The following RANBP2 variants were observed in gnomAD, a reference collection of about 807,000 sequenced individuals.
RANBP2 encodes the protein E3 SUMO-protein ligase RanBP2.
In RANBP2, 57 loss-of-function variants were observed where a neutral mutation model predicts 303.6. That is an observed-to-expected ratio of 0.19 (90% CI 0.15 to 0.23). The LOEUF (loss-of-function observed/expected upper bound fraction) is 0.23. Ranked by LOEUF, RANBP2 falls within the 10% of genes least tolerant of loss-of-function variation. The pLI is 1.00. For missense variants in RANBP2, 3,138 were observed against 3,780.8 expected, an observed-to-expected ratio of 0.83 and a Z score of 4.46; for synonymous variants, 1,167 against 1,301.5, an observed-to-expected ratio of 0.90 and a Z score of 2.23.
the RANBP2 span, chr2:109,616,148 A>G: frequency 7.1e-7 from 1 of 1,407,772 alleles, no homozygotes; most frequent in Non-Finnish European, 9.2e-7. Context: ...GTGAGACCAG[A>G]AGGACAAGCT....
the RANBP2 span, among the ~76,000 whole-genome samples, chr2:109,130,546 C>T: frequency 6.6e-6 from 1 of 152,148 alleles, no homozygotes; most frequent in Non-Finnish European, 1.5e-5. Context: ...TCTGGGAAGC[C>T]CGCGGGCCTC....
the RANBP2 span, among the ~76,000 whole-genome samples, chr2:109,066,109 G>A: frequency 6.6e-6 from 1 of 150,502 alleles, no homozygotes; most frequent in Non-Finnish European, 1.5e-5. Flanking sequence ...GGCTAATTCT[G>A]TATTTTTTTT....
At chr2:109,693,067 G>A in the RANBP2 span, among the ~76,000 whole-genome samples, 35 of 152,084 alleles carry the variant, frequency 2.3e-4, no homozygotes, top group Non-Finnish European at 3.8e-4. Context: ...AAGACTGCTA[G>A]AGCAGACTCT....
chr2:109,131,841 T>C, the RANBP2 span, among the ~76,000 whole-genome samples: 1 of 152,232 alleles, frequency 6.6e-6, no homozygotes, highest in Admixed American at 6.5e-5. Flanking sequence ...GTTTTTGGGA[T>C]GTTTCTGGAT....
chr2:109,677,721 G>A, the RANBP2 span, among the ~76,000 whole-genome samples: 2 of 152,130 alleles, frequency 1.3e-5, no homozygotes, highest in African/African-American at 2.4e-5. Flanking sequence ...GTGCCCTCGT[G>A]AACCAAATTG....
At chr2:109,654,339 A>G in the RANBP2 span, among the ~76,000 whole-genome samples, 3 of 151,896 alleles carry the variant, frequency 2.0e-5, no homozygotes, top group Non-Finnish European at 2.9e-5. Context: ...TGCTTGTGAT[A>G]TAGAAATAAA....
chr2:109,166,459 G>GGAAA, the RANBP2 span, among the ~76,000 whole-genome samples: 28 of 134,302 alleles, frequency 2.1e-4, 1 homozygote, highest in Admixed American at 6.8e-4. Context: ...CCTGGTGACA[G>GGAAA]AAAAAAAAAA....
At chr2:109,599,718 T>A in the RANBP2 span, among the ~76,000 whole-genome samples, 1 of 152,204 alleles carries the variant, frequency 6.6e-6, no homozygotes, top group Non-Finnish European at 1.5e-5. Context: ...GGGGAAATTC[T>A]TGATAGCAGT....
chr2:109,257,557 G>T, the RANBP2 span, among the ~76,000 whole-genome samples: 2 of 152,142 alleles, frequency 1.3e-5, no homozygotes, highest in Non-Finnish European at 2.9e-5. Context: ...GCCCAAGTTC[G>T]TGGTGAGTGA....
the RANBP2 span, among the ~76,000 whole-genome samples, chr2:108,810,071 G>T: frequency 1.3e-5 from 2 of 152,106 alleles, no homozygotes; most frequent in African/African-American, 4.8e-5. Context: ...CTCCCATATT[G>T]CTGAGATTAC....
chr2:108,881,431 TATC>T, the RANBP2 span, among the ~76,000 whole-genome samples: 3 of 152,252 alleles, frequency 2.0e-5, no homozygotes, highest in African/African-American at 7.2e-5. Flanking sequence ...ACTTTCTCCT[TATC>T]AGCAATAAGG....
chr2:109,038,329 A>G, the RANBP2 span, among the ~76,000 whole-genome samples: 2 of 152,140 alleles, frequency 1.3e-5, no homozygotes, highest in Non-Finnish European at 2.9e-5. Flanking sequence ...ATTGAACCTC[A>G]GCAAAATAAA....
chr2:109,521,500 G>A, the RANBP2 span, among the ~76,000 whole-genome samples: 27 of 152,334 alleles, frequency 1.8e-4, no homozygotes, highest in Admixed American at 1.8e-3. Flanking sequence ...GGAAGTGTCC[G>A]AGTGAAGCCA....
chr2:109,624,477 C>G, the RANBP2 span, among the ~76,000 whole-genome samples: 3 of 152,314 alleles, frequency 2.0e-5, no homozygotes, highest in South Asian at 6.2e-4. Flanking sequence ...CCATCTACAG[C>G]CATCTGTGAG....
At chr2:109,358,739 C>T in the RANBP2 span, among the ~76,000 whole-genome samples, 2 of 152,214 alleles carry the variant, frequency 1.3e-5, no homozygotes, top group African/African-American at 2.4e-5. Flanking sequence ...AGCGTGTCTT[C>T]TCATTACCTT....
chr2:109,039,937 A>G, the RANBP2 span, among the ~76,000 whole-genome samples: 490 of 152,146 alleles, frequency 3.2e-3, 2 homozygotes, highest in African/African-American at 0.012. Context: ...CACTCTCCCA[A>G]TGGTATCATT....
At position 108,753,317 on chromosome 2, in the gene RANBP2, G is replaced by T. The variant is rs1297318018; in HGVS notation, c.1918-109G>T. ...CTCACACATAAGATATGACAGAGAA[G>T]AATAATGAGATGTTTGTCTCTTAAG... On this transcript the variant is annotated intron_variant, in intron 13 of 28. Transcript: ENST00000283195. 5 of 1,603,080 alleles carry T rather than the reference G, an allele frequency of 3.1e-6. No individual in the cohort carries two copies. In the African/African-American group the frequency reaches 4.0e-5, roughly 13 times the overall value.
the RANBP2 span, among the ~76,000 whole-genome samples, chr2:109,636,697 G>A: frequency 1.3e-5 from 2 of 152,116 alleles, no homozygotes; most frequent in Non-Finnish European, 1.5e-5. Context: ...CAGCACTTTG[G>A]GAGGCTGAGG....
chr2:109,615,251 G>C, the RANBP2 span: 2 of 1,556,978 alleles, frequency 1.3e-6, no homozygotes, highest in East Asian at 4.8e-5. Flanking sequence ...CCGCGGAGGA[G>C]GAGAGCAGCG....
Sources: allele counts gnomAD v4.1 joint callset (sites outside exome capture counted in the v4.1 genomes callset), GRCh38; gene constraint gnomAD v4.1.1; transcripts MANE v1.5; gene names NCBI Gene and HGNC (gene_info 2026-07-23, HGNC 2026-07-21).